The following ROR1 variants were observed in gnomAD, a reference collection of about 807,000 sequenced individuals.
ROR1 encodes ROR family WNT receptor 1.
In ROR1, 19 loss-of-function variants were observed where a neutral mutation model predicts 78.8. The observed-to-expected ratio is 0.24, with a 90% CI of 0.17 to 0.35. The LOEUF is 0.35. ROR1 is among the 10% of genes least tolerant of loss of function. The pLI, the probability that ROR1 is intolerant of heterozygous loss-of-function variation, is 1.00. For synonymous variants in ROR1, 386 were observed against 433.6 expected (o/e 0.89, Z 1.36); for missense variants, 917 against 1,177.8 (o/e 0.78, Z 3.24).
chr1:64,055,262 T>G (rs1050056746), intron 4 of ROR1, among the ~76,000 whole-genome samples: 1 of 152,228 alleles, frequency 6.6e-6, no homozygotes, highest in Non-Finnish European at 1.5e-5. Flanking sequence ...ATAATGAAAA[T>G]AGATGTTTGG....
intron 7 of ROR1, among the ~76,000 whole-genome samples, chr1:64,150,875 T>C (rs926967940): frequency 2.6e-5 from 4 of 152,262 alleles, no homozygotes; most frequent in African/African-American, 9.6e-5. Flanking sequence ...CTAGTATATA[T>C]TGAGTCATTT....
chr1:64,115,836 A>G (rs536196882), intron 4 of ROR1, among the ~76,000 whole-genome samples: 2 of 152,236 alleles, frequency 1.3e-5, no homozygotes, highest in South Asian at 4.1e-4. Context: ...TTCCTCATCT[A>G]TTAAATGGGA....
intron 1 of ROR1, among the ~76,000 whole-genome samples, chr1:63,784,135 G>A (rs1275974296): frequency 6.6e-6 from 1 of 151,786 alleles, no homozygotes. Flanking sequence ...ATTTGTATAG[G>A]GCTTTGCAGC....
chr1:64,032,498 C>G (rs1290486366), intron 2 of ROR1, among the ~76,000 whole-genome samples: 2 of 152,082 alleles, frequency 1.3e-5, no homozygotes, highest in Non-Finnish European at 2.9e-5. Context: ...AATAATGTAG[C>G]CCATTGTGCC....
At chr1:63,839,634 A>G (rs1645038037) in intron 1 of ROR1, among the ~76,000 whole-genome samples, 1 of 152,152 alleles carries the variant, frequency 6.6e-6, no homozygotes, top group African/African-American at 2.4e-5. Context: ...AAACACACAA[A>G]AAATCACTTT....
At chr1:63,788,930 CA>C in intron 1 of ROR1, 1 of 823,110 alleles carries the variant, frequency 1.2e-6, no homozygotes, top group Non-Finnish European at 2.0e-6. Flanking sequence ...CCTTAACCTT[CA>C]GGTACAGGCT....
chr1:63,911,531 TCTAA>T lies in ROR1; in HGVS notation c.92-97769_92-97766del, dbSNP rs550201834. Among the ~76,000 whole-genome samples, 1,248 of 152,108 alleles carry T rather than the reference TCTAA, an allele frequency of 8.2e-3. 6 individuals are homozygous for T. The highest frequency in any genetic ancestry group is 0.031 in the Middle Eastern group (9 of 294). The stretch of plus-strand genomic sequence containing the variant: ...CTAGGTTGTGTGATCCTTATGAGAA[TCTAA>T]CTAATGCCTGATGATCTGAGATGGA... On this transcript the variant is annotated intron_variant, in intron 1 of 8. Transcript: ENST00000371079.
At chr1:63,914,967 G>A (rs1366999317) in intron 1 of ROR1, among the ~76,000 whole-genome samples, 1 of 152,126 alleles carries the variant, frequency 6.6e-6, no homozygotes, top group Non-Finnish European at 1.5e-5. Context: ...GACAATATGT[G>A]TGAAAGTCAG....
chr1:63,919,519 A>G (rs1176397466), intron 1 of ROR1, among the ~76,000 whole-genome samples: 1 of 136,832 alleles, frequency 7.3e-6, no homozygotes, highest in African/African-American at 2.7e-5. Context: ...CTAGATAACT[A>G]TATTAATTTA....
At chr1:63,883,679 C>T (rs1056644530) in intron 1 of ROR1, among the ~76,000 whole-genome samples, 2 of 152,166 alleles carry the variant, frequency 1.3e-5, no homozygotes, top group African/African-American at 4.8e-5. Context: ...TGGTGACTCT[C>T]CATAACCCAT....
intron 1 of ROR1, among the ~76,000 whole-genome samples, chr1:63,809,502 A>G (rs961796215): frequency 2.2e-4 from 34 of 152,236 alleles, no homozygotes; most frequent in Admixed American, 2.2e-3. Flanking sequence ...TGTATCATAT[A>G]TACATTGTAC....
chr1:64,107,320 G>T (rs562946470), intron 4 of ROR1, among the ~76,000 whole-genome samples: 3 of 152,154 alleles, frequency 2.0e-5, no homozygotes, highest in African/African-American at 7.2e-5. Flanking sequence ...AGAATGTCTG[G>T]CTCTAAGCCT....
intron 2 of ROR1, among the ~76,000 whole-genome samples, chr1:64,020,132 T>C (rs1646553105): frequency 6.6e-6 from 1 of 152,200 alleles, no homozygotes; most frequent in East Asian, 1.9e-4. Context: ...CTGGATTTTG[T>C]ACTTCTAGCC....
At chr1:63,981,961 T>C (rs1022083108) in intron 1 of ROR1, among the ~76,000 whole-genome samples, 11 of 152,078 alleles carry the variant, frequency 7.2e-5, no homozygotes, top group Non-Finnish European at 1.6e-4. Context: ...CCTTTTTGTT[T>C]TCTCTTTTTA....
At chr1:64,060,270 C>G (rs1227025525) in intron 4 of ROR1, among the ~76,000 whole-genome samples, 4 of 152,134 alleles carry the variant, frequency 2.6e-5, no homozygotes, top group Admixed American at 6.5e-5. Flanking sequence ...ATATTAGGAG[C>G]TTGATAATAT....
intron 1 of ROR1, among the ~76,000 whole-genome samples, chr1:64,007,486 GAAC>G (rs1646438270): frequency 6.6e-6 from 1 of 151,216 alleles, no homozygotes; most frequent in Non-Finnish European, 1.5e-5. Flanking sequence ...CAAAAAACAA[GAAC>G]AACAACCAAG....
chr1:63,856,745 T>C (rs1645151313), intron 1 of ROR1, among the ~76,000 whole-genome samples: 1 of 152,220 alleles, frequency 6.6e-6, no homozygotes, highest in South Asian at 2.1e-4. Context: ...CTGACTGTTA[T>C]ACCAGTCTTG....
intron 4 of ROR1, among the ~76,000 whole-genome samples, chr1:64,135,617 A>G (rs551481633): frequency 3.4e-4 from 52 of 152,224 alleles, no homozygotes; most frequent in African/African-American, 1.2e-3. Flanking sequence ...GGTATTAGTT[A>G]CCCAATAAAA....
At chr1:63,856,492 G>A (rs1330032337) in intron 1 of ROR1, among the ~76,000 whole-genome samples, 1 of 152,072 alleles carries the variant, frequency 6.6e-6, no homozygotes, top group Non-Finnish European at 1.5e-5. Context: ...TACTTGAGGG[G>A]GATTCTCTGT....
Sources: allele counts gnomAD v4.1 joint callset (sites outside exome capture counted in the v4.1 genomes callset), GRCh38; gene constraint gnomAD v4.1.1; transcripts MANE v1.5; gene names NCBI Gene and HGNC (gene_info 2026-07-23, HGNC 2026-07-21).